The following MYBPC1 variants were observed in gnomAD, a reference collection of about 807,000 sequenced individuals.
The protein encoded by MYBPC1 is myosin-binding protein C, slow-type.
A neutral mutation model predicts 147.1 loss-of-function variants in MYBPC1; 52 were observed. The observed-to-expected ratio is 0.35, with a 90% confidence interval of 0.28 to 0.45. The LOEUF (loss-of-function observed/expected upper bound fraction) is 0.45. Ranked by LOEUF, MYBPC1 falls within the 20% of genes least tolerant of loss-of-function variation. The pLI is 1.00. For missense variants in MYBPC1, 1,228 were observed against 1,440.3 expected, an observed-to-expected ratio of 0.85 and a Z score of 2.39; for synonymous variants, 477 against 475.9, an observed-to-expected ratio of 1.00 and a Z score of -0.03.
chr12:101,639,698 C>T (rs1891653582), intron 10 of MYBPC1, among the ~76,000 whole-genome samples: 1 of 152,126 alleles, frequency 6.6e-6, no homozygotes, highest in Non-Finnish European at 1.5e-5. Context: ...ATCTTTATTA[C>T]TGGTTTCCTT....
rs1898722932 is a variant in MYBPC1 at position 101,671,493 on chromosome 12, T to A, written c.2613+1084T>A. Among the ~76,000 whole-genome samples, 4 of 152,144 alleles carry A rather than the reference T, an allele frequency of 2.6e-5. No individual in the cohort carries two copies. In the South Asian group the frequency reaches 8.3e-4, roughly 31 times the overall value. On this transcript the variant is annotated intron_variant, in intron 24 of 31. Transcript: ENST00000361466. Reference sequence around the variant, plus strand: ...CTAAGGAGAGACATTGTGTACTACATACCCCCGGCATGAAATCAGAATGAA... The same window carrying A: ...CTAAGGAGAGACATTGTGTACTACAAACCCCCGGCATGAAATCAGAATGAA...
rs779508432 is a variant in MYBPC1, at chr12:101,673,613, C to G, written c.2800C>G (p.Gln934Glu). The G allele has an allele frequency of 1.1e-5, 18 of 1,613,996 alleles. No individual in the cohort carries two copies. Among genetic ancestry groups the G allele is most frequent in the Non-Finnish European group, 1.5e-5 (18 of 1,180,020 alleles). Residue 934 changes from glutamine to glutamate, a missense_variant, in exon 25 of 32, where the codon CAG becomes GAG. Transcript: ENST00000361466. ...KFVETASIDIQIIDRPGPPQI... is the reference protein window; with the variant it reads ...KFVETASIDIEIIDRPGPPQI... ...CGTGGAGACCGCATCAATTGACATCCAGATCATTGGTAGGTTTAGATGAAG... is the reference window on the plus strand; with the variant it reads ...CGTGGAGACCGCATCAATTGACATCGAGATCATTGGTAGGTTTAGATGAAG...
chr12:101,659,763 G>T lies in MYBPC1; in HGVS notation c.1859G>T (p.Gly620Val), dbSNP rs772263310. ...GATATAGCTGAAAGAGATGACTCTG[G>T]TGTTTACCACATCAATCTGAAAAAC... Reference protein sequence around the residue: ...VIDIAERDDSGVYHINLKNEA... With the variant: ...VIDIAERDDSVVYHINLKNEA... The change falls in exon 19 of 32, where the codon GGT (glycine) becomes GTT (valine). Residue 620 changes from glycine to valine, a missense_variant. Physicochemically the swap from Gly to Val is moderately radical, Grantham distance 109 (BLOSUM62 -3). This residue lies in a region of MYBPC1 where 1,077 missense variants were observed against 1,314.2 expected (regional missense o/e 0.82). Transcript: ENST00000361466. 1.9e-6 allele frequency: 3 copies of T among 1,614,108 alleles called. No individual in the cohort carries two copies. The South Asian group carries it at 3.3e-5, about 18-fold the overall frequency.
At position 101,642,592 on chromosome 12, in the gene MYBPC1, G is replaced by C. The variant is rs1892285960; in HGVS notation, c.832+7G>C. 1.2e-6 allele frequency: 2 copies of C among 1,606,392 alleles called. No homozygotes were observed. Among genetic ancestry groups the C allele is most frequent in the Non-Finnish European group, 1.7e-6 (2 of 1,176,814 alleles). On this transcript the variant is annotated splice_region_variant and intron_variant, in intron 11 of 31. Transcript: ENST00000361466. Reference sequence around the variant, plus strand: ...GAGGAGAAGAAGAGCGCAGGTGAGCGCTCCCGGGGGCGAGGCAGCGGCCGA... The same window carrying C: ...GAGGAGAAGAAGAGCGCAGGTGAGCCCTCCCGGGGGCGAGGCAGCGGCCGA...
chr12:101,688,843 C>G (rs1429136666), downstream of MYBPC1, among the ~76,000 whole-genome samples: 1 of 151,290 alleles, frequency 6.6e-6, no homozygotes, highest in Non-Finnish European at 1.5e-5. Context: ...GTCCCAGCTA[C>G]TCAGAAGGCT....
chr12:101,610,083 T>C (rs994255085), intron 1 of MYBPC1, among the ~76,000 whole-genome samples: 2 of 152,154 alleles, frequency 1.3e-5, no homozygotes, highest in African/African-American at 4.8e-5. Context: ...TGGGGACACC[T>C]TGGGGGCTCT....
chr12:101,627,902 T>C, intron 5 of MYBPC1, 98 bp downstream of exon 5: 1 of 1,375,312 alleles, frequency 7.3e-7, no homozygotes, highest in Non-Finnish European at 1.0e-6. Context: ...CCTTGTCTTA[T>C]TCAGATTGTA....
intron 1 of MYBPC1, among the ~76,000 whole-genome samples, chr12:101,599,590 A>G (rs889526444): frequency 6.6e-6 from 1 of 152,202 alleles, no homozygotes; most frequent in Non-Finnish European, 1.5e-5. Context: ...TCAAACACCG[A>G]AATCAATTTG....
At chr12:101,665,119 T>C (rs1291892024) in intron 22 of MYBPC1, among the ~76,000 whole-genome samples, 1 of 152,192 alleles carries the variant, frequency 6.6e-6, no homozygotes, top group Non-Finnish European at 1.5e-5. Context: ...TTACCCACCT[T>C]AGATAAAATA....
chr12:101,642,582 G>T lies in MYBPC1; in HGVS notation c.829G>T (p.Ala277Ser), dbSNP rs757430370. 4 of 1,609,222 alleles carry T rather than the reference G, an allele frequency of 2.5e-6. No individual in the cohort carries two copies. Among genetic ancestry groups the T allele is most frequent in the Admixed American group, 1.7e-5 (1 of 59,202 alleles). Reference protein sequence around the residue: ...KRMRREEKKSAAFAKILDPAY... With the variant: ...KRMRREEKKSSAFAKILDPAY... ...CATGCGCAGAGAGGAGAAGAAGAGC[G>T]CAGGTGAGCGCTCCCGGGGGCGAGG... Residue 277 changes from alanine to serine, a missense_variant, in exon 11 of 32, where the codon GCA becomes TCA. Physicochemically the swap from Ala to Ser is moderately conservative, Grantham distance 99 (BLOSUM62 1). This residue lies in a region of MYBPC1 where 1,077 missense variants were observed against 1,314.2 expected (regional missense o/e 0.82). Transcript: ENST00000361466.
At chr12:101,648,598 A>C (rs1893726302) in intron 14 of MYBPC1, among the ~76,000 whole-genome samples, 1 of 152,172 alleles carries the variant, frequency 6.6e-6, no homozygotes, top group African/African-American at 2.4e-5. Context: ...GTTTTAGAAA[A>C]GTTTCTATTT....
At chr12:101,684,518 C>T in intron 31 of MYBPC1, 94 bp downstream of exon 31, 2 of 949,606 alleles carry the variant, frequency 2.1e-6, no homozygotes, top group Non-Finnish European at 3.3e-6. Context: ...TTACATAATC[C>T]AATGAAAATA....
intron 1 of MYBPC1, among the ~76,000 whole-genome samples, chr12:101,611,540 C>G (rs530682955): frequency 6.6e-6 from 1 of 152,116 alleles, no homozygotes; most frequent in Non-Finnish European, 1.5e-5. Context: ...GATGTCCAAC[C>G]ACCAAAAGAA....
intron 14 of MYBPC1, among the ~76,000 whole-genome samples, chr12:101,648,970 A>G (rs1893822535): frequency 6.6e-6 from 1 of 152,210 alleles, no homozygotes; most frequent in Non-Finnish European, 1.5e-5. Context: ...AATGTGCTTC[A>G]AGAGCCTACA....
intron 29 of MYBPC1, 50 bp from the exon 30 acceptor site, chr12:101,682,554 A>G (rs965267636): frequency 7.1e-6 from 11 of 1,539,332 alleles, no homozygotes; most frequent in Non-Finnish European, 9.9e-6. Flanking sequence ...AAAGGTAAGA[A>G]TGTCAACTGA....
the MYBPC1 span, among the ~76,000 whole-genome samples, chr12:101,693,058 T>C: frequency 6.6e-6 from 1 of 150,962 alleles, no homozygotes; most frequent in East Asian, 2.0e-4. Context: ...TCCATTCTCC[T>C]GCCTCAGCCT....
At chr12:101,618,925 T>A (rs1315419391) in intron 3 of MYBPC1, among the ~76,000 whole-genome samples, 1 of 147,808 alleles carries the variant, frequency 6.8e-6, no homozygotes, top group Non-Finnish European at 1.5e-5. Context: ...GGCAAATACA[T>A]GTATATATAT....
intron 1 of MYBPC1, among the ~76,000 whole-genome samples, chr12:101,613,354 G>A (rs1295298682): frequency 6.6e-6 from 1 of 152,202 alleles, no homozygotes; most frequent in Non-Finnish European, 1.5e-5. Context: ...AGAGTCACTT[G>A]TGGAAAAAAA....
intron 1 of MYBPC1, among the ~76,000 whole-genome samples, chr12:101,598,442 A>G (rs528499346): frequency 6.6e-6 from 1 of 152,338 alleles, no homozygotes; most frequent in East Asian, 1.9e-4. Context: ...AAAGAATAGT[A>G]TGAATGGCTG....
Sources: allele counts gnomAD v4.1 joint callset (sites outside exome capture counted in the v4.1 genomes callset), GRCh38; gene constraint gnomAD v4.1.1; regional missense constraint gnomAD v4.1.1; transcripts MANE v1.5; gene names NCBI Gene and HGNC (gene_info 2026-07-23, HGNC 2026-07-21).